LSAMP: variants seen among roughly 807,000 people sequenced by gnomAD.
LSAMP encodes the protein limbic system associated membrane protein, also known as limbic system-associated membrane protein.
A neutral mutation model predicts 38.6 loss-of-function variants in LSAMP; 7 were observed. The observed-to-expected ratio is 0.18, with a 90% CI of 0.10 to 0.34. The LOEUF (loss-of-function observed/expected upper bound fraction) is 0.34. LSAMP is among the 10% of genes least tolerant of loss of function. LSAMP has a pLI of 1.00. For missense variants in LSAMP, 313 were observed against 420.0 expected (o/e 0.75, Z 2.23); for synonymous variants, 154 against 166.8 (o/e 0.92, Z 0.59).
At chr3:115,816,539 T>C (rs62271064) in intron 6 of LSAMP, 8,383 of 814,968 alleles carry the variant, frequency 0.01, 50 homozygotes, top group Non-Finnish European at 0.013. Context: ...GAAACTCAAG[T>C]ATATAAGACA....
At chr3:115,954,566 G>T (rs192822272) in intron 3 of LSAMP, among the ~76,000 whole-genome samples, 111 of 152,336 alleles carry the variant, frequency 7.3e-4, no homozygotes, top group Non-Finnish European at 1.2e-3. Flanking sequence ...ATCAGCTGCT[G>T]CACTGAGATA....
intron 6 of LSAMP, among the ~76,000 whole-genome samples, chr3:115,837,472 T>A (rs1399162498): frequency 6.9e-6 from 1 of 143,930 alleles, no homozygotes; most frequent in Non-Finnish European, 1.5e-5. Flanking sequence ...AAACGCTGAC[T>A]ACTAGGCTGG....
intron 1 of LSAMP, among the ~76,000 whole-genome samples, chr3:116,186,558 GAATT>G (rs1710623019): frequency 1.3e-5 from 2 of 152,100 alleles, no homozygotes; most frequent in South Asian, 4.1e-4. Flanking sequence ...TTCTTGAATA[GAATT>G]AATTACATCA....
intron 1 of LSAMP, among the ~76,000 whole-genome samples, chr3:116,385,734 AC>A: frequency 6.6e-6 from 1 of 152,250 alleles, no homozygotes; most frequent in East Asian, 1.9e-4. Context: ...CTGTCTAGTT[AC>A]CATTTGGGAA....
At chr3:116,369,089 G>T (rs183885268) in intron 1 of LSAMP, among the ~76,000 whole-genome samples, 101 of 151,832 alleles carry the variant, frequency 6.7e-4, no homozygotes, top group African/African-American at 2.1e-3. Flanking sequence ...ATTGTATTAT[G>T]TTTATTGAAG....
At chr3:115,954,503 T>C (rs1291035685) in intron 3 of LSAMP, among the ~76,000 whole-genome samples, 3 of 152,328 alleles carry the variant, frequency 2.0e-5, no homozygotes, top group South Asian at 2.1e-4. Flanking sequence ...GAAATGGACA[T>C]GGCAAATGGA....
chr3:116,215,487 G>A (rs2046208806), intron 1 of LSAMP, among the ~76,000 whole-genome samples: 1 of 152,066 alleles, frequency 6.6e-6, no homozygotes, highest in African/African-American at 2.4e-5. Flanking sequence ...AGCTGCCTAG[G>A]TCCCAGAGGT....
chr3:116,217,268 A>C (rs1251512533), intron 1 of LSAMP, among the ~76,000 whole-genome samples: 1 of 152,214 alleles, frequency 6.6e-6, no homozygotes. Context: ...GAGCTCAAGG[A>C]ATCATGCTTG....
intron 4 of LSAMP, among the ~76,000 whole-genome samples, chr3:115,848,555 G>T (rs1250554234): frequency 2.0e-5 from 3 of 152,142 alleles, no homozygotes; most frequent in African/African-American, 7.2e-5. Context: ...AGTCCCAATT[G>T]GGTATTCTGT....
rs10661312 is a variant in LSAMP, at chr3:116,390,132, T to TACACACACAC, written c.155+54735_155+54744dup. ...CTTAAATTATATATGTATGTATGTATACACACACACACACACACACACACA... is the reference window on the plus strand; with the variant it reads ...CTTAAATTATATATGTATGTATGTATACACACACACACACACACACACACACACACACACA... On this transcript the variant is annotated intron_variant, in intron 1 of 6. Transcript: ENST00000490035. Among the ~76,000 whole-genome samples, 357 of 147,360 alleles carry TACACACACAC rather than the reference T, an allele frequency of 2.4e-3. 1 individual carries two copies. The highest frequency in any genetic ancestry group is 8.3e-3 in the African/African-American group (336 of 40,426).
intron 1 of LSAMP, among the ~76,000 whole-genome samples, chr3:116,341,814 G>C (rs2047999167): frequency 6.6e-6 from 1 of 151,968 alleles, no homozygotes; most frequent in South Asian, 2.1e-4. Flanking sequence ...CTCGACACTT[G>C]AAATGTGTTG....
At chr3:115,893,739 AT>A (rs1333175112) in intron 3 of LSAMP, among the ~76,000 whole-genome samples, 2 of 152,042 alleles carry the variant, frequency 1.3e-5, no homozygotes, top group African/African-American at 4.8e-5. Context: ...TCATAAAATG[AT>A]GGTAACATTC....
chr3:116,218,262 C>G (rs990895347), intron 1 of LSAMP, among the ~76,000 whole-genome samples: 2 of 152,054 alleles, frequency 1.3e-5, no homozygotes, highest in African/African-American at 4.8e-5. Context: ...TGTAATCAAT[C>G]TCAGAAGGAA....
chr3:116,427,288 T>C (rs1487051331), intron 1 of LSAMP, among the ~76,000 whole-genome samples: 1 of 150,770 alleles, frequency 6.6e-6, no homozygotes, highest in South Asian at 2.1e-4. Context: ...GCCCGGCTAA[T>C]TTTTTGTATT....
At chr3:116,384,243 G>T (rs1286614393) in intron 1 of LSAMP, among the ~76,000 whole-genome samples, 1 of 151,990 alleles carries the variant, frequency 6.6e-6, no homozygotes, top group African/African-American at 2.4e-5. Context: ...GCTACCTCAC[G>T]TCTCAATTTG....
At chr3:115,883,276 A>T (rs955112476) in intron 3 of LSAMP, among the ~76,000 whole-genome samples, 1 of 152,024 alleles carries the variant, frequency 6.6e-6, no homozygotes, top group Non-Finnish European at 1.5e-5. Context: ...AAGTGACTAA[A>T]AGGGATAGGA....
intron 1 of LSAMP, among the ~76,000 whole-genome samples, chr3:116,110,455 G>T (rs913165177): frequency 6.6e-6 from 1 of 152,180 alleles, no homozygotes; most frequent in Non-Finnish European, 1.5e-5. Flanking sequence ...CCAAGGGAAG[G>T]CTGCCTTCCC....
At chr3:116,131,137 C>A (rs1709123158) in intron 1 of LSAMP, among the ~76,000 whole-genome samples, 1 of 151,936 alleles carries the variant, frequency 6.6e-6, no homozygotes, top group Admixed American at 6.6e-5. Context: ...ACTACAGGCG[C>A]CCTCCACCTC....
intron 1 of LSAMP, among the ~76,000 whole-genome samples, chr3:116,309,506 G>C (rs924512747): frequency 1.3e-5 from 2 of 152,080 alleles, no homozygotes; most frequent in African/African-American, 4.8e-5. Flanking sequence ...CATTTGGCTA[G>C]TGGCTACTTA....
Sources: gnomAD v4.1 joint callset for allele counts (sites outside exome capture counted in the v4.1 genomes callset) on GRCh38, gnomAD v4.1.1 for gene constraint, MANE v1.5 for transcripts, NCBI Gene and HGNC (gene_info 2026-07-23, HGNC 2026-07-21) for gene names.